The following SQOR variants were observed in gnomAD, a reference collection of about 807,000 sequenced individuals.
SQOR encodes sulfide:quinone oxidoreductase, mitochondrial.
A neutral mutation model predicts 48.6 loss-of-function variants in SQOR; 39 were observed. That is an observed-to-expected ratio of 0.80 (90% CI 0.62 to 1.05). The LOEUF is 1.05. Among genes scored for constraint, SQOR ranks in the 50% least tolerant of loss-of-function variants. SQOR has a pLI of 0.00. For synonymous variants in SQOR, 220 were observed against 206.2 expected (o/e 1.07, Z -0.57); for missense variants, 561 against 559.9 (o/e 1.00, Z -0.02).
chr15:45,682,748 C>A, intron 7 of SQOR, 87 bp downstream of exon 7: 1 of 1,481,598 alleles, frequency 6.7e-7, no homozygotes, highest in Non-Finnish European at 9.2e-7. Context: ...TTGGCATCGG[C>A]CAGAGACGGT....
intron 1 of SQOR, among the ~76,000 whole-genome samples, chr15:45,644,396 C>T (rs1263100265): frequency 1.3e-5 from 2 of 152,134 alleles, no homozygotes; most frequent in African/African-American, 2.4e-5. Flanking sequence ...TTTAAGATGC[C>T]GCCTGACAGT....
At chr15:45,685,365 C>A (rs1263815804) in intron 7 of SQOR, among the ~76,000 whole-genome samples, 2 of 152,156 alleles carry the variant, frequency 1.3e-5, no homozygotes, top group Non-Finnish European at 2.9e-5. Flanking sequence ...TCTGTTCAGA[C>A]CCTTATGCGA....
chr15:45,638,733 A>G (rs1373155696), intron 1 of SQOR, among the ~76,000 whole-genome samples: 4 of 152,060 alleles, frequency 2.6e-5, no homozygotes, highest in Non-Finnish European at 4.4e-5. Context: ...TCTCAAAAAA[A>G]GAAAGAAAGA....
At chr15:45,634,198 C>CTATATATATATATATATATATGTATATA (rs1555399807), upstream of SQOR, among the ~76,000 whole-genome samples, 107 of 43,856 alleles carry the variant, frequency 2.4e-3, 6 homozygotes, top group African/African-American at 7.6e-3. Context: ...ACAACAACAA[C>CTATATATATATATATATATATGTATATA]TATATATATA....
chr15:45,669,957 C>T lies in SQOR; in HGVS notation c.435C>T (p.Leu145=), dbSNP rs145108022. ...CCTACCGATATCTTATTATTGCTCT[C>T]GGAATCCAGCTGGACTATGAGAAGG... ...KISYRYLIIA[L]GIQLDYEKIK... Residue 145 remains leucine (L), a synonymous_variant, in exon 4 of 10, where the codon CTC becomes CTT. Coordinates refer to ENST00000260324, the MANE Select transcript of SQOR (RefSeq NM_021199.4). 101 of 1,613,948 alleles carry T rather than the reference C, an allele frequency of 6.3e-5. No homozygotes were observed. Among genetic ancestry groups the T allele is most frequent in the African/African-American group, 1.5e-4 (11 of 74,906 alleles).
rs755407660 is a variant in SQOR, at chr15:45,682,611, G to C, written c.998G>C (p.Gly333Ala). The change falls in exon 7 of 10, where the codon GGG becomes GCG. Residue 333 changes from glycine to alanine, a missense_variant. By Grantham distance (60) the Gly-to-Ala change is moderately conservative. Transcript: ENST00000260324. The stretch of plus-strand genomic sequence containing the variant: ...CACAGGAGGTACCCAAATGTGTTTG[G>C]GATTGGGGACTGCACCAACCTTCCT... ...LQHRRYPNVF[G>A]IGDCTNLPTS... 1.2e-6 allele frequency: 2 copies of C among 1,614,150 alleles called. No homozygotes were observed. Among genetic ancestry groups the C allele is most frequent in the Admixed American group, 3.3e-5 (2 of 60,006 alleles).
intron 9 of SQOR, among the ~76,000 whole-genome samples, chr15:45,690,247 G>A (rs930037346): frequency 6.6e-6 from 1 of 151,844 alleles, no homozygotes; most frequent in Non-Finnish European, 1.5e-5. Flanking sequence ...TGTATTTTTA[G>A]TAGAGACAGG....
At chr15:45,679,878 C>A (rs923546426) in intron 6 of SQOR, among the ~76,000 whole-genome samples, 1 of 152,290 alleles carries the variant, frequency 6.6e-6, no homozygotes. Flanking sequence ...AGATTGGGAT[C>A]TTGGCATGGT....
chr15:45,662,880 T>A (rs1889746933), intron 3 of SQOR, among the ~76,000 whole-genome samples: 1 of 152,162 alleles, frequency 6.6e-6, no homozygotes, highest in African/African-American at 2.4e-5. Context: ...ACTCACAAGG[T>A]GTTATTGGTC....
intron 9 of SQOR, among the ~76,000 whole-genome samples, chr15:45,689,832 A>G (rs1303122742): frequency 1.3e-5 from 2 of 152,140 alleles, no homozygotes; most frequent in African/African-American, 4.8e-5. Flanking sequence ...GGCAGAAGTC[A>G]TTAGCAGTGT....
At position 45,691,028 on chromosome 15, in the gene SQOR, T is replaced by A. The variant is rs751593534; in HGVS notation, c.1351T>A (p.Ter451LysextTer40). The stretch of plus-strand genomic sequence containing the variant: ...CAAGTTGTTTCATCTAGGTATGAGT[T>A]AAGGATGGCTCAGCACTTGCTCATC... ...LRKLFHLGMS[*>K] Residue 451 changes from the stop codon to lysine (K), a stop_lost, in exon 10 of 10, where the codon TAA becomes AAA. Coordinates refer to ENST00000260324, the MANE Select transcript of SQOR (RefSeq NM_021199.4). 1 of 1,614,012 alleles carries A rather than the reference T, an allele frequency of 6.2e-7. No individual in the cohort carries two copies. The highest frequency in any genetic ancestry group is 2.2e-5 in the East Asian group (1 of 44,882).
intron 7 of SQOR, among the ~76,000 whole-genome samples, chr15:45,684,858 C>T (rs1037953483): frequency 3.9e-5 from 6 of 152,170 alleles, no homozygotes; most frequent in Non-Finnish European, 4.4e-5. Context: ...GTCTTGTTCC[C>T]AGTCCTGCAG....
Position 45,658,993 on chromosome 15 carries a change from A to G in SQOR, c.70A>G (p.Thr24Ala), listed in dbSNP as rs540812384. Residue 24 changes from threonine (T) to alanine (A), a missense_variant, in exon 2 of 10, where the codon ACT (threonine) becomes GCT (alanine). Thr to Ala is a moderately conservative substitution (Grantham distance 58). Transcript: ENST00000260324. ...QLFACLLRLG[T>A]QQVGPLQLHT... is the part of the protein sequence containing the mutation. Reference sequence around the variant, plus strand: ...CTTTGCCTGCCTGCTCAGGCTGGGCACTCAGCAGGTCGGCCCCCTTCAGCT... The same window carrying G: ...CTTTGCCTGCCTGCTCAGGCTGGGCGCTCAGCAGGTCGGCCCCCTTCAGCT... 1 of 1,602,166 alleles carries G rather than the reference A, an allele frequency of 6.2e-7. No individual in the cohort carries two copies. Among genetic ancestry groups the G allele is most frequent in the Admixed American group, 1.7e-5 (1 of 58,578 alleles).
At position 45,673,702 on chromosome 15, in the gene SQOR, C is replaced by T; in HGVS notation, c.555C>T (p.Phe185=). The change falls in exon 5 of 10, where the codon TTC becomes TTT. Residue 185 remains phenylalanine, a synonymous_variant. Coordinates refer to ENST00000260324, the MANE Select transcript of SQOR (RefSeq NM_021199.4). ...VEKTWKALQD[F]KEGNAIFTFP... ...AGACATGGAAAGCTCTGCAGGACTT[C>T]AAAGAGGGCAATGCCATCTTCACCT... 1 of 1,614,210 alleles carries T rather than the reference C, an allele frequency of 6.2e-7. No homozygotes were observed. Among genetic ancestry groups the T allele is most frequent in the East Asian group, 2.2e-5 (1 of 44,884 alleles).
intron 1 of SQOR, among the ~76,000 whole-genome samples, chr15:45,642,957 T>C (rs1208435101): frequency 2.0e-5 from 3 of 152,200 alleles, no homozygotes; most frequent in African/African-American, 7.2e-5. Flanking sequence ...TTTGTCAAAA[T>C]TAGCCCATGT....
At chr15:45,668,952 T>A (rs1335412057) in intron 3 of SQOR, among the ~76,000 whole-genome samples, 4 of 151,924 alleles carry the variant, frequency 2.6e-5, no homozygotes, top group Non-Finnish European at 5.9e-5. Flanking sequence ...ACTTTTTTCA[T>A]CCCATACAGG....
chr15:45,636,988 CTT>C (rs11303902), intron 1 of SQOR, among the ~76,000 whole-genome samples: 7 of 141,486 alleles, frequency 4.9e-5, no homozygotes, highest in Non-Finnish European at 6.2e-5. Context: ...GTAACCTTGG[CTT>C]TTTTTTTTTT....
chr15:45,673,956 T>C, intron 5 of SQOR, 155 bp downstream of exon 5: 1 of 726,242 alleles, frequency 1.4e-6, no homozygotes, highest in South Asian at 2.0e-5. Context: ...TTATAAAATA[T>C]AAAAGAGGAG....
chr15:45,679,701 A>C (rs1316845010), intron 6 of SQOR, among the ~76,000 whole-genome samples: 1 of 152,196 alleles, frequency 6.6e-6, no homozygotes, highest in African/African-American at 2.4e-5. Context: ...CAAACTAAAG[A>C]CCAAAGAGAT....
Sources: gnomAD v4.1 joint callset for allele counts (sites outside exome capture counted in the v4.1 genomes callset) on GRCh38, gnomAD v4.1.1 for gene constraint, MANE v1.5 for transcripts, NCBI Gene and HGNC (gene_info 2026-07-23, HGNC 2026-07-21) for gene names.